Variants in COL4A1 observed in about 807,000 individuals in gnomAD.
COL4A1 encodes collagen alpha-1(IV) chain.
In COL4A1, 40 loss-of-function variants were observed where a neutral mutation model predicts 216.6. The ratio of observed to expected loss-of-function variants is 0.18; its 90% CI spans 0.14 to 0.24. COL4A1 has a LOEUF of 0.24. Among genes scored for constraint, COL4A1 ranks in the 10% least tolerant of loss-of-function variants. COL4A1 has a pLI of 1.00. For missense variants in COL4A1, 1,628 were observed against 2,196.8 expected (o/e 0.74, Z 5.18); for synonymous variants, 839 against 810.7 (o/e 1.03, Z -0.59).
In COL4A1 at chr13:110,170,635, C is replaced by T; in HGVS notation, c.3654G>A (p.Gln1218=). The part of the protein sequence containing the change: ...EQGFMGPPGP[Q]GQPGLPGSPG... Reference sequence around the variant, plus strand: ...GGGATCCCGGTAACCCCGGCTGTCCCTGGGGCCCCGGAGGACCCATGAATC... The same window carrying T: ...GGGATCCCGGTAACCCCGGCTGTCCTTGGGGCCCCGGAGGACCCATGAATC... The change falls in exon 42 of 52, where the codon CAG becomes CAA. Residue 1218 remains glutamine (Q), a synonymous_variant. Transcript: ENST00000375820. The T allele has an allele frequency of 4.3e-6, 7 of 1,613,402 alleles. No individual in the cohort carries two copies. Among genetic ancestry groups the T allele is most frequent in the Non-Finnish European group, 5.9e-6 (7 of 1,179,678 alleles).
intron 2 of COL4A1, 71 bp downstream of exon 2, chr13:110,242,604 G>T: frequency 2.7e-6 from 4 of 1,497,516 alleles, no homozygotes; most frequent in Non-Finnish European, 3.7e-6. Flanking sequence ...CTGATTATTC[G>T]GTTACTGTTA....
chr13:110,173,966 C>T lies in COL4A1; in HGVS notation c.3439G>A (p.Ala1147Thr), dbSNP rs1877760518. ...LPGTPGPTGP[A>T]GQKGEPGSDG... ...CTGCCTGGCTCCCCTTTCTGGCCAG[C>T]TGGGCCTGTGGGGCCAGGAGTCCCA... Residue 1147 changes from alanine to threonine, a missense_variant, in exon 40 of 52, where the codon GCT becomes ACT. Physicochemically the swap from Ala to Thr is moderately conservative, Grantham distance 58. Transcript: ENST00000375820. 6.2e-7 allele frequency: 1 copy of T among 1,614,190 alleles called. No individual in the cohort carries two copies. Among genetic ancestry groups the T allele is most frequent in the Non-Finnish European group, 8.5e-7 (1 of 1,180,032 alleles).
intron 1 of COL4A1, among the ~76,000 whole-genome samples, chr13:110,305,101 A>G (rs1035881712): frequency 8.5e-5 from 13 of 152,232 alleles, no homozygotes; most frequent in African/African-American, 3.1e-4. Flanking sequence ...TTGTATACCC[A>G]TACATCATCT....
chr13:110,237,804 C>T lies in COL4A1; in HGVS notation c.144+4871G>A, dbSNP rs139476919. ...TATACAAAGGTGTGACATGGACATA[C>T]ACCGATTGTGTCAAATATCTAGGCG... On this transcript the variant is annotated intron_variant, in intron 2 of 51. Transcript: ENST00000375820. 8.5e-5 allele frequency among the ~76,000 whole-genome samples: 13 copies of T among 152,340 alleles called. No homozygotes were observed. The East Asian group carries it at 2.3e-3, about 27-fold the overall frequency.
Position 110,237,285 on chromosome 13 carries a change from T to A in COL4A1, c.144+5390A>T, listed in dbSNP as rs993085218. Among the ~76,000 whole-genome samples, 4 of 152,232 alleles carry A rather than the reference T, an allele frequency of 2.6e-5. 1 individual carries two copies. Among genetic ancestry groups the A allele is most frequent in the Admixed American group, 6.5e-5 (1 of 15,278 alleles). ...CTTATCTGAAGGAGTAGAAACTGAGTCGTACTCTGGTTAGTGCCTGAATCC... is the reference window on the plus strand; with the variant it reads ...CTTATCTGAAGGAGTAGAAACTGAGACGTACTCTGGTTAGTGCCTGAATCC... On this transcript the variant is annotated intron_variant, in intron 2 of 51. Coordinates refer to ENST00000375820, the MANE Select transcript of COL4A1 (RefSeq NM_001845.6).
At chr13:110,297,569 G>T (rs947977980) in intron 1 of COL4A1, among the ~76,000 whole-genome samples, 3 of 152,064 alleles carry the variant, frequency 2.0e-5, no homozygotes, top group African/African-American at 7.2e-5. Flanking sequence ...ACTGTCATCA[G>T]GAATTCAAAT....
At chr13:110,240,948 C>A (rs936556647) in intron 2 of COL4A1, among the ~76,000 whole-genome samples, 1 of 152,218 alleles carries the variant, frequency 6.6e-6, no homozygotes, top group Non-Finnish European at 1.5e-5. Context: ...TGGCTCACTG[C>A]AACCTCCGCC....
intron 1 of COL4A1, among the ~76,000 whole-genome samples, chr13:110,270,935 G>A (rs1883224924): frequency 6.6e-6 from 1 of 152,168 alleles, no homozygotes; most frequent in African/African-American, 2.4e-5. Context: ...AGTGAGCCTG[G>A]AACTTCTGAT....
At chr13:110,161,418 T>C (rs774530081) in intron 48 of COL4A1, 49 bp from the exon 49 acceptor site, 2 of 1,553,010 alleles carry the variant, frequency 1.3e-6, no homozygotes, top group South Asian at 2.3e-5. Context: ...TAATTCACAA[T>C]CTATCTCTAT....
intron 49 of COL4A1, among the ~76,000 whole-genome samples, chr13:110,160,604 G>A (rs9521627): frequency 8.5e-5 from 13 of 152,190 alleles, no homozygotes; most frequent in Non-Finnish European, 1.6e-4. Context: ...TTGCTCACAG[G>A]AGGAAAGGCA....
At chr13:110,285,938 G>A (rs777540584) in intron 1 of COL4A1, among the ~76,000 whole-genome samples, 169 of 152,214 alleles carry the variant, frequency 1.1e-3, no homozygotes, top group Middle Eastern at 3.4e-3. Flanking sequence ...GCTACTACTC[G>A]ATGACCACAT....
intron 1 of COL4A1, among the ~76,000 whole-genome samples, chr13:110,291,085 G>A (rs1437711165): frequency 6.6e-6 from 1 of 152,166 alleles, no homozygotes; most frequent in Non-Finnish European, 1.5e-5. Flanking sequence ...CCTCTCCTCA[G>A]GACACTTGCA....
In COL4A1 at chr13:110,198,475, C is replaced by T. The variant is rs1594572151; in HGVS notation, c.1277G>A (p.Gly426Asp). The change falls in exon 21 of 52, where the codon GGC (glycine) becomes GAC (aspartate). Residue 426 changes from glycine to aspartate, a missense_variant. Gly to Asp is a moderately conservative substitution (Grantham distance 94). This residue lies in a region of COL4A1 where 701 missense variants were observed against 892.5 expected (regional missense o/e 0.79). Coordinates refer to ENST00000375820, the MANE Select transcript of COL4A1 (RefSeq NM_001845.6). ...TTTCTGAGGGAACTCACTTGTGTAG[C>T]CAGGCTGCCCAGGGGGCCCAGGGGA... is the stretch of plus-strand genomic sequence containing the variant. ...PGSPGPPGQP[G>D]YTNGIVECQP... 6.2e-7 allele frequency: 1 copy of T among 1,613,800 alleles called. No homozygotes were observed. The highest frequency in any genetic ancestry group is 8.5e-7 in the Non-Finnish European group (1 of 1,179,954).
chr13:110,276,737 G>A (rs1381153773), intron 1 of COL4A1, among the ~76,000 whole-genome samples: 1 of 152,138 alleles, frequency 6.6e-6, no homozygotes, highest in Non-Finnish European at 1.5e-5. Flanking sequence ...CTGCTGTTGT[G>A]ACCAGTTTTA....
chr13:110,179,226 A>T, intron 30 of COL4A1, 45 bp downstream of exon 30: 2 of 1,612,198 alleles, frequency 1.2e-6, no homozygotes, highest in Non-Finnish European at 1.7e-6. Context: ...AAAAATAAGC[A>T]CATCCTGTCC....
chr13:110,153,963 G>A (rs768635502), intron 50 of COL4A1, among the ~76,000 whole-genome samples: 1 of 152,120 alleles, frequency 6.6e-6, no homozygotes, highest in Non-Finnish European at 1.5e-5. Flanking sequence ...CACACCATCC[G>A]TGAGTTACCT....
intron 2 of COL4A1, among the ~76,000 whole-genome samples, chr13:110,214,483 G>A (rs561925281): frequency 6.6e-6 from 1 of 152,300 alleles, no homozygotes; most frequent in South Asian, 2.1e-4. Context: ...TTGAGGGTGT[G>A]TTTCTGGAAG....
chr13:110,179,664 G>C (rs1329747175), intron 29 of COL4A1, among the ~76,000 whole-genome samples: 1 of 152,084 alleles, frequency 6.6e-6, no homozygotes, highest in Admixed American at 6.5e-5. Context: ...GAAAAGCAAG[G>C]CTCCCCACGG....
At position 110,183,232 on chromosome 13, in the gene COL4A1, G is replaced by T. The variant is rs1413099763; in HGVS notation, c.1942C>A (p.Pro648Thr). The T allele has an allele frequency of 1.9e-6, 3 of 1,613,720 alleles. No individual in the cohort carries two copies. The highest frequency in any genetic ancestry group is 2.5e-6 in the Non-Finnish European group (3 of 1,180,016). Residue 648 changes from proline (P) to threonine (T), a missense_variant, in exon 27 of 52, where the codon CCT (proline) becomes ACT (threonine). Physicochemically the swap from Pro to Thr is conservative, Grantham distance 38 (BLOSUM62 -1). Coordinates refer to ENST00000375820, the MANE Select transcript of COL4A1 (RefSeq NM_001845.6). ...GACCCCGGCAGTCCTTCTGCTCCAG[G>T]GGGGCCTGGTAAAGGAACAATTTTT... ...PGKIVPLPGP[P>T]GAEGLPGSPG...
Sources: gnomAD v4.1 joint callset for allele counts (sites outside exome capture counted in the v4.1 genomes callset) on GRCh38, gnomAD v4.1.1 for gene constraint, gnomAD v4.1.1 regional missense constraint, MANE v1.5 for transcripts, NCBI Gene and HGNC (gene_info 2026-07-23, HGNC 2026-07-21) for gene names.